RBFOX1: variants seen among roughly 807,000 people sequenced by gnomAD.
RBFOX1 encodes RNA binding protein fox-1 homolog 1.
A neutral mutation model predicts 57.7 loss-of-function variants in RBFOX1; 8 were observed. The ratio of observed to expected loss-of-function variants is 0.14; its 90% CI spans 0.08 to 0.25. The LOEUF (loss-of-function observed/expected upper bound fraction) is 0.25. Among genes scored for constraint, RBFOX1 ranks in the 10% least tolerant of loss-of-function variants. The pLI is 1.00. For missense variants in RBFOX1, 611 were observed against 548.5 expected (o/e 1.11, Z -1.14); for synonymous variants, 326 against 222.4 (o/e 1.47, Z -4.15).
At chr16:6,583,352 C>A (rs9931592) in intron 2 of RBFOX1, among the ~76,000 whole-genome samples, 15,912 of 152,146 alleles carry the variant, frequency 0.1, 1,189 homozygotes, top group East Asian at 0.38. Context: ...GCGTGCAGAG[C>A]AATGGGCCTG....
intron 1 of RBFOX1, among the ~76,000 whole-genome samples, chr16:5,266,548 G>GTTT (rs3035524): frequency 0.39 from 49,826 of 127,890 alleles, 10,865 homozygotes; most frequent in African/African-American, 0.5. Context: ...GAAATGTTCA[G>GTTT]TTTTTTTTTT....
At chr16:6,590,963 C>G (rs927868813) in intron 2 of RBFOX1, among the ~76,000 whole-genome samples, 3 of 152,130 alleles carry the variant, frequency 2.0e-5, no homozygotes, top group African/African-American at 4.8e-5. Context: ...CTGCGAGAGT[C>G]CCAGTGCTGG....
chr16:6,840,380 T>C (rs557895725), intron 3 of RBFOX1, among the ~76,000 whole-genome samples: 86 of 152,332 alleles, frequency 5.6e-4, no homozygotes, highest in African/African-American at 1.9e-3. Context: ...GATTCCTGCG[T>C]TGGTTCCTCC....
chr16:5,609,010 T>C (rs2047683305), intron 3 of RBFOX1, among the ~76,000 whole-genome samples: 1 of 152,214 alleles, frequency 6.6e-6, no homozygotes, highest in African/African-American at 2.4e-5. Context: ...GTTTGATAAC[T>C]ACAAATATCA....
intron 3 of RBFOX1, among the ~76,000 whole-genome samples, chr16:6,901,797 G>T (rs528059406): frequency 2.0e-5 from 3 of 152,312 alleles, no homozygotes; most frequent in African/African-American, 7.2e-5. Flanking sequence ...AGAAGGAAGA[G>T]ACATAATACT....
intron 2 of RBFOX1, among the ~76,000 whole-genome samples, chr16:6,587,029 T>C (rs1300730626): frequency 1.3e-5 from 2 of 152,234 alleles, no homozygotes; most frequent in South Asian, 2.1e-4. Flanking sequence ...TGTGTGTGTG[T>C]TGAGAACACT....
chr16:6,862,903 T>C (rs1457655775), intron 3 of RBFOX1, among the ~76,000 whole-genome samples: 1 of 151,718 alleles, frequency 6.6e-6, no homozygotes, highest in Non-Finnish European at 1.5e-5. Flanking sequence ...GAGAATCACT[T>C]GAACCCAGGA....
chr16:6,330,682 G>T (rs1403044494), intron 2 of RBFOX1, among the ~76,000 whole-genome samples: 5 of 152,184 alleles, frequency 3.3e-5, no homozygotes, highest in African/African-American at 4.8e-5. Flanking sequence ...AGACTCAGGG[G>T]TCTTACTTTC....
intron 3 of RBFOX1, among the ~76,000 whole-genome samples, chr16:7,000,397 A>G (rs1029606890): frequency 6.6e-6 from 1 of 152,016 alleles, no homozygotes; most frequent in African/African-American, 2.4e-5. Context: ...CAGTGTTTGC[A>G]ATCTATTTGT....
Position 7,238,291 on chromosome 16 carries a change from T to C in RBFOX1, c.27+186193T>C, listed in dbSNP as rs141970247. On this transcript the variant is annotated intron_variant, in intron 4 of 15. Transcript: ENST00000550418. The stretch of plus-strand genomic sequence containing the variant: ...GGGAATGGCTGTGCAACACTGTGAA[T>C]GTACTTAACACTACTCAACTGCAGA... Among the ~76,000 whole-genome samples the C allele has an allele frequency of 1.1e-4, 16 of 152,090 alleles. No individual in the cohort carries two copies. The East Asian group carries it at 2.1e-3, about 20-fold the overall frequency.
chr16:6,725,463 T>A (rs1327360377), intron 3 of RBFOX1, among the ~76,000 whole-genome samples: 1 of 152,150 alleles, frequency 6.6e-6, no homozygotes, highest in Non-Finnish European at 1.5e-5. Flanking sequence ...CTACCGTGAA[T>A]GCAGCCCAGT....
intron 3 of RBFOX1, among the ~76,000 whole-genome samples, chr16:6,805,031 C>A (rs752287357): frequency 1.3e-5 from 2 of 152,134 alleles, no homozygotes; most frequent in Non-Finnish European, 2.9e-5. Context: ...CCTACCAGTC[C>A]CATTACTGGG....
At chr16:7,121,394 A>C (rs1467387681) in intron 4 of RBFOX1, among the ~76,000 whole-genome samples, 2 of 152,130 alleles carry the variant, frequency 1.3e-5, no homozygotes, top group Non-Finnish European at 2.9e-5. Flanking sequence ...TTAGGTGAAA[A>C]CATAAATATC....
intron 4 of RBFOX1, among the ~76,000 whole-genome samples, chr16:7,252,901 T>C (rs909371102): frequency 1.3e-5 from 2 of 152,140 alleles, no homozygotes; most frequent in Non-Finnish European, 2.9e-5. Flanking sequence ...AGAGCCGTTA[T>C]CTTAGAGCCT....
chr16:7,274,135 C>G lies in RBFOX1; in HGVS notation c.27+222037C>G, dbSNP rs189860262. Among the ~76,000 whole-genome samples the G allele has an allele frequency of 2.7e-4, 41 of 152,230 alleles. No individual in the cohort carries two copies. In the East Asian group the frequency reaches 7.9e-3, roughly 29 times the overall value. On this transcript the variant is annotated intron_variant, in intron 4 of 15. Transcript: ENST00000550418. ...CCAATTGAGATATTTGTTTATGATG[C>G]CTTTGTCTATCCTGGAGGTTTCTCT...
intron 3 of RBFOX1, among the ~76,000 whole-genome samples, chr16:5,628,871 G>C (rs972988794): frequency 6.6e-6 from 1 of 152,180 alleles, no homozygotes; most frequent in Non-Finnish European, 1.5e-5. Flanking sequence ...TGTAGCATCT[G>C]ACCTAAGCTA....
intron 5 of RBFOX1, among the ~76,000 whole-genome samples, chr16:7,547,856 A>G (rs2085044190): frequency 6.6e-6 from 1 of 152,194 alleles, no homozygotes; most frequent in Admixed American, 6.5e-5. Flanking sequence ...TTAACAGCAG[A>G]AGAGTAATCT....
intron 3 of RBFOX1, among the ~76,000 whole-genome samples, chr16:6,724,734 T>A (rs2066785815): frequency 6.6e-6 from 1 of 152,150 alleles, no homozygotes; most frequent in Non-Finnish European, 1.5e-5. Flanking sequence ...TTTTTTTTAA[T>A]TTTAATTTTT....
intron 1 of RBFOX1, among the ~76,000 whole-genome samples, chr16:6,196,365 C>T (rs192578543): frequency 6.6e-6 from 1 of 152,308 alleles, no homozygotes; most frequent in Non-Finnish European, 1.5e-5. Flanking sequence ...TCAGTTTCAT[C>T]ATCTATGAAA....
Sources: gnomAD v4.1 joint callset for allele counts (sites outside exome capture counted in the v4.1 genomes callset) on GRCh38, gnomAD v4.1.1 for gene constraint, MANE v1.5 for transcripts, NCBI Gene and HGNC (gene_info 2026-07-23, HGNC 2026-07-21) for gene names.